Variants in DPF3 observed in about 807,000 individuals in gnomAD.
DPF3 encodes zinc finger protein DPF3.
A neutral mutation model predicts 56.8 loss-of-function variants in DPF3; 18 were observed. The observed-to-expected ratio is 0.32, with a 90% CI of 0.22 to 0.47. The LOEUF is 0.47. Among genes scored for constraint, DPF3 ranks in the 20% least tolerant of loss-of-function variants. The pLI is 1.00. For missense variants in DPF3, 403 were observed against 488.8 expected (o/e 0.82, Z 1.65); for synonymous variants, 188 against 180.2 (o/e 1.04, Z -0.35).
chr14:72,694,220 C>T (rs1466603588), intron 6 of DPF3, among the ~76,000 whole-genome samples: 1 of 152,208 alleles, frequency 6.6e-6, no homozygotes, highest in Admixed American at 6.5e-5. Flanking sequence ...GACGGCATTG[C>T]TGGTAGCAGA....
At chr14:72,640,397 C>T (rs1405533245) in intron 8 of DPF3, among the ~76,000 whole-genome samples, 4 of 152,162 alleles carry the variant, frequency 2.6e-5, no homozygotes, top group Non-Finnish European at 5.9e-5. Flanking sequence ...GGACCAGTCA[C>T]TAAATCCATC....
intron 1 of DPF3, among the ~76,000 whole-genome samples, chr14:72,775,765 G>T (rs148287528): frequency 6.6e-6 from 1 of 152,112 alleles, no homozygotes; most frequent in South Asian, 2.1e-4. Flanking sequence ...GCAGAGATTC[G>T]GAACCAAAAT....
intron 1 of DPF3, among the ~76,000 whole-genome samples, chr14:72,773,016 G>A (rs1028173539): frequency 6.6e-6 from 1 of 151,830 alleles, no homozygotes; most frequent in African/African-American, 2.4e-5. Flanking sequence ...TTTTTGTTTT[G>A]GTTCTATGTA....
intron 2 of DPF3, 81 bp from the exon 3 acceptor site, chr14:72,753,452 C>T: frequency 9.1e-7 from 1 of 1,096,040 alleles, no homozygotes; most frequent in Non-Finnish European, 1.3e-6. Flanking sequence ...CCCCGTCATT[C>T]ACAAGGAGAG....
chr14:72,828,474 G>T (rs1867001914), intron 1 of DPF3, among the ~76,000 whole-genome samples: 1 of 145,136 alleles, frequency 6.9e-6, no homozygotes, highest in South Asian at 2.2e-4. Flanking sequence ...GGAGGTGGAG[G>T]CTGCAGTGAG....
At chr14:72,780,814 A>G (rs376139734) in intron 1 of DPF3, among the ~76,000 whole-genome samples, 21 of 152,294 alleles carry the variant, frequency 1.4e-4, no homozygotes, top group African/African-American at 4.8e-4. Context: ...TGCTGCTGAC[A>G]TCAGACCTAT....
chr14:72,860,958 G>A (rs1449592832), intron 1 of DPF3, among the ~76,000 whole-genome samples: 1 of 151,782 alleles, frequency 6.6e-6, no homozygotes, highest in African/African-American at 2.4e-5. Flanking sequence ...TCAGTTTTAG[G>A]CTTCCCCAAG....
At chr14:72,792,715 T>C (rs1892491061) in intron 1 of DPF3, among the ~76,000 whole-genome samples, 1 of 151,882 alleles carries the variant, frequency 6.6e-6, no homozygotes, top group African/African-American at 2.4e-5. Context: ...CGAAGTCCCA[T>C]CTGCTGTGTC....
intron 1 of DPF3, among the ~76,000 whole-genome samples, chr14:72,784,684 C>T (rs538466161): frequency 5.2e-4 from 79 of 152,274 alleles, no homozygotes; most frequent in African/African-American, 1.9e-3. Flanking sequence ...ATGGGCCAGG[C>T]ACAGGGGCTC....
intron 1 of DPF3, among the ~76,000 whole-genome samples, chr14:72,886,865 C>G (rs1045883529): frequency 1.3e-5 from 2 of 151,918 alleles, no homozygotes; most frequent in Admixed American, 1.3e-4. Context: ...TGGCTAATAC[C>G]CACTCAGGTA....
chr14:72,616,097 G>A lies in DPF3; in HGVS notation c.*3200C>T, dbSNP rs997417726. Among the ~76,000 whole-genome samples, 1 of 152,172 alleles carries A rather than the reference G, an allele frequency of 6.6e-6. No individual in the cohort carries two copies. Among genetic ancestry groups the A allele is most frequent in the Non-Finnish European group, 1.5e-5 (1 of 68,022 alleles). On this transcript the variant is annotated 3_prime_UTR_variant, in exon 11 of 11. Coordinates refer to ENST00000556509, the MANE Select transcript of DPF3 (RefSeq NM_001280542.3). ...CCATCATCATGCCAGACCCGGGCCAGGATCTTTACCAATGTCACCTTGAAT... is the reference window on the plus strand; with the variant it reads ...CCATCATCATGCCAGACCCGGGCCAAGATCTTTACCAATGTCACCTTGAAT...
chr14:72,707,428 T>C (rs1268673170), intron 6 of DPF3, among the ~76,000 whole-genome samples: 1 of 152,188 alleles, frequency 6.6e-6, no homozygotes, highest in South Asian at 2.1e-4. Context: ...GTTGAACTAG[T>C]TTACAGGGGC....
intron 2 of DPF3, among the ~76,000 whole-genome samples, chr14:72,766,612 T>C (rs1372678723): frequency 6.6e-6 from 1 of 152,078 alleles, no homozygotes; most frequent in African/African-American, 2.4e-5. Context: ...CCAACACACC[T>C]GGATAATTTT....
rs1329786569 is a variant in DPF3, at chr14:72,674,236, T to C, written c.871+4A>G. 2 of 1,611,756 alleles carry C rather than the reference T, an allele frequency of 1.2e-6. No homozygotes were observed. The highest frequency in any genetic ancestry group is 1.7e-5 in the Admixed American group (1 of 59,742). On this transcript the variant is annotated splice_donor_region_variant and intron_variant, in intron 8 of 10. Coordinates refer to ENST00000556509, the MANE Select transcript of DPF3 (RefSeq NM_001280542.3). Reference sequence around the variant, plus strand: ...CACCCGGTGTGGGAAGGGGCCACACTCACCAGAGCGTCCACAGTCTGCGCA... The same window carrying C: ...CACCCGGTGTGGGAAGGGGCCACACCCACCAGAGCGTCCACAGTCTGCGCA...
intron 8 of DPF3, among the ~76,000 whole-genome samples, chr14:72,668,568 C>T (rs1005315374): frequency 3.9e-5 from 6 of 152,134 alleles, no homozygotes; most frequent in African/African-American, 1.4e-4. Flanking sequence ...CTCAGATAAA[C>T]ATTCTCCTGG....
At chr14:72,717,119 G>A (rs1452858139) in intron 5 of DPF3, among the ~76,000 whole-genome samples, 2 of 152,078 alleles carry the variant, frequency 1.3e-5, no homozygotes, top group East Asian at 3.9e-4. Context: ...TGATCCCCTC[G>A]GGTTCACCCC....
chr14:72,709,773 G>A (rs1022415543), intron 6 of DPF3, among the ~76,000 whole-genome samples: 17 of 151,796 alleles, frequency 1.1e-4, no homozygotes, highest in African/African-American at 1.9e-4. Flanking sequence ...GTTTCTTCAC[G>A]GTAAAGTGAG....
intron 4 of DPF3, among the ~76,000 whole-genome samples, chr14:72,730,694 T>C (rs191864391): frequency 2.0e-5 from 3 of 151,580 alleles, no homozygotes; most frequent in Non-Finnish European, 1.5e-5. Context: ...ACAATAGGTA[T>C]AGCATAAAAT....
At chr14:72,784,820 GGTAGCAGGTGCCTGTA>G in intron 1 of DPF3, among the ~76,000 whole-genome samples, 1 of 152,250 alleles carries the variant, frequency 6.6e-6, no homozygotes, top group South Asian at 2.1e-4. Context: ...AGCCAGGCTT[GGTAGCAGGTGCCTGTA>G]GTTCCAGCTA....
Sources: gnomAD v4.1 joint callset for allele counts (sites outside exome capture counted in the v4.1 genomes callset) on GRCh38, gnomAD v4.1.1 for gene constraint, MANE v1.5 for transcripts, NCBI Gene and HGNC (gene_info 2026-07-23, HGNC 2026-07-21) for gene names.